RFTN1: variants seen among roughly 807,000 people sequenced by gnomAD.
RFTN1 encodes the protein raftlin.
A neutral mutation model predicts 46.5 loss-of-function variants in RFTN1; 26 were observed. The observed-to-expected ratio is 0.56, with a 90% confidence interval of 0.41 to 0.78. The LOEUF (loss-of-function observed/expected upper bound fraction) is 0.78. Ranked by LOEUF, RFTN1 falls within the 30% of genes least tolerant of loss-of-function variation. The pLI is 0.00. For missense variants in RFTN1, 693 were observed against 718.7 expected (o/e 0.96, Z 0.41); for synonymous variants, 261 against 284.2 (o/e 0.92, Z 0.82).
chr3:16,364,794 C>T (rs1264728025), intron 6 of RFTN1, among the ~76,000 whole-genome samples: 4 of 152,194 alleles, frequency 2.6e-5, no homozygotes, highest in Non-Finnish European at 5.9e-5. Flanking sequence ...ATGAATCCCA[C>T]AATGACAAGT....
intron 2 of RFTN1, among the ~76,000 whole-genome samples, chr3:16,456,900 C>G (rs1480557569): frequency 1.3e-5 from 2 of 152,322 alleles, no homozygotes; most frequent in Non-Finnish European, 2.9e-5. Context: ...AGAGTCATGT[C>G]TGGTTGACAT....
In RFTN1 at chr3:16,501,305, C is replaced by T. The variant is rs573596400; in HGVS notation, c.-8-7428G>A. On this transcript the variant is annotated intron_variant, in intron 1 of 9. Transcript: ENST00000334133. The stretch of plus-strand genomic sequence containing the variant: ...TAATTTGTTTCTGAAATGCTTCCCA[C>T]GATGCCCATAAAAAGACTGGAAAAC... Among the ~76,000 whole-genome samples, 6 of 152,278 alleles carry T rather than the reference C, an allele frequency of 3.9e-5. No individual in the cohort carries two copies. The East Asian group carries it at 7.7e-4, about 20-fold the overall frequency.
Position 16,450,863 on chromosome 3 carries a change from G to C in RFTN1, c.146-16826C>G, listed in dbSNP as rs1182767303. 6.6e-6 allele frequency among the ~76,000 whole-genome samples: 1 copy of C among 152,016 alleles called. No homozygotes were observed. The highest frequency in any genetic ancestry group is 1.5e-5 in the Non-Finnish European group (1 of 67,998). ...GAGGGATGGCAAAGACAGCTCCTAG[G>C]TCTCTGGTTTGCATGGACCTGAACA... On this transcript the variant is annotated intron_variant, in intron 2 of 9. Transcript: ENST00000334133. This position sits in a 1 kb window ranked among gnomAD's most constrained non-coding sequence, Gnocchi z 4.6.
chr3:16,349,132 A>G lies in RFTN1; in HGVS notation c.1146+8800T>C, dbSNP rs372734732. ...AAGGGAAATGACTTACCTGGGCAAC[A>G]CAAACTGTATAAACTAAGCTTTTCT... On this transcript the variant is annotated intron_variant, in intron 7 of 9. Transcript: ENST00000334133. 3.9e-5 allele frequency: 6 copies of G among 152,376 alleles called. No individual in the cohort carries two copies. In the South Asian group the frequency reaches 6.2e-4, roughly 16 times the overall value. 9.4% of individuals were successfully genotyped at this position (152,376 alleles called of 1,614,324 possible).
chr3:16,411,928 T>C (rs1355524147), intron 3 of RFTN1, among the ~76,000 whole-genome samples: 1 of 152,232 alleles, frequency 6.6e-6, no homozygotes. Context: ...GGAAGACAAG[T>C]TGGTCTGTAA....
rs902092579 is a variant in RFTN1, at chr3:16,468,611, C to A, written c.145+25114G>T. ...GGGGAGAGGCTGACGCATTTCCTCA[C>A]GTACAACCCAGCGTTTGAGTAAAAA... On this transcript the variant is annotated intron_variant, in intron 2 of 9. Coordinates refer to ENST00000334133, the MANE Select transcript of RFTN1 (RefSeq NM_015150.2). The surrounding 1 kb of genome is among the most constrained non-coding windows in gnomAD (Gnocchi z 4.4). Among the ~76,000 whole-genome samples the A allele has an allele frequency of 1.4e-5, 2 of 147,046 alleles. No homozygotes were observed. The highest frequency in any genetic ancestry group is 4.3e-4 in the South Asian group (2 of 4,704).
Position 16,424,026 on chromosome 3 carries a change from G to A in RFTN1, c.332+9825C>T, listed in dbSNP as rs1276767296. ...AGCCTGCTGAATGGGGCCATTTGGGGAGCTCTAAGTGGTTTGCAGTTGTAG... is the reference window on the plus strand; with the variant it reads ...AGCCTGCTGAATGGGGCCATTTGGGAAGCTCTAAGTGGTTTGCAGTTGTAG... On this transcript the variant is annotated intron_variant, in intron 3 of 9. Transcript: ENST00000334133. This position sits in a 1 kb window ranked among gnomAD's most constrained non-coding sequence, Gnocchi z 4.7. Among the ~76,000 whole-genome samples, 2 of 152,188 alleles carry A rather than the reference G, an allele frequency of 1.3e-5. No homozygotes were observed. Among genetic ancestry groups the A allele is most frequent in the African/African-American group, 4.8e-5 (2 of 41,444 alleles).
rs1011733214 is a variant in RFTN1, at chr3:16,425,987, C to T, written c.332+7864G>A. The stretch of plus-strand genomic sequence containing the variant: ...CAACGGGTGTTCGCCCCACCTAAAT[C>T]GGAATCCAAAATAACGACCCACATG... On this transcript the variant is annotated intron_variant, in intron 3 of 9. Coordinates refer to ENST00000334133, the MANE Select transcript of RFTN1 (RefSeq NM_015150.2). The surrounding 1 kb of genome is among the most constrained non-coding windows in gnomAD (Gnocchi z 4.3). Among the ~76,000 whole-genome samples, 16 of 152,134 alleles carry T rather than the reference C, an allele frequency of 1.1e-4. No individual in the cohort carries two copies. Among genetic ancestry groups the T allele is most frequent in the Non-Finnish European group, 2.1e-4 (14 of 68,022 alleles).
Position 16,316,982 on chromosome 3 carries a change from C to G in RFTN1, c.1583G>C (p.Gly528Ala). Residue 528 changes from glycine (G) to alanine (A), a missense_variant, in exon 10 of 10, where the codon GGG becomes GCG. By Grantham distance (60) the Gly-to-Ala change is moderately conservative. Transcript: ENST00000334133. The surrounding 1 kb of genome is among the most constrained non-coding windows in gnomAD (Gnocchi z 4.5). ...CACAGCCTCACCCTCCACACCCACC[C>G]CACACAGCAGGCCACCAGGGGACAG... ...EQLSPGGLLC[G>A]VGVEGEAVQN... The G allele has an allele frequency of 1.2e-6, 2 of 1,614,048 alleles. No homozygotes were observed. The highest frequency in any genetic ancestry group is 8.5e-7 in the Non-Finnish European group (1 of 1,180,016).
At chr3:16,511,565 A>G (rs2076902929) in intron 1 of RFTN1, among the ~76,000 whole-genome samples, 1 of 152,174 alleles carries the variant, frequency 6.6e-6, no homozygotes. Context: ...ATAGAGTCAC[A>G]GTGTCCTCTC....
Position 16,346,180 on chromosome 3 carries a change from A to G in RFTN1, c.1146+11752T>C, listed in dbSNP as rs1575078883. ...TGGAAAGGCCAGGGGGTGCACATTC[A>G]TTTTTAATGACTACACACCTTCCCT... On this transcript the variant is annotated intron_variant, in intron 7 of 9. Transcript: ENST00000334133. The surrounding 1 kb of genome is among the most constrained non-coding windows in gnomAD (Gnocchi z 4.4). The G allele has an allele frequency of 3.3e-5, 5 of 152,294 alleles. No homozygotes were observed. The highest frequency in any genetic ancestry group is 9.6e-5 in the African/African-American group (4 of 41,566). 9.4% of individuals were successfully genotyped at this position (152,294 alleles called of 1,614,324 possible). A position where few individuals can be genotyped will look rare whatever the true frequency, so the allele number is the denominator to read the frequency against.
intron 2 of RFTN1, among the ~76,000 whole-genome samples, chr3:16,437,761 T>C (rs1334262576): frequency 1.3e-5 from 2 of 152,148 alleles, no homozygotes; most frequent in South Asian, 4.1e-4. Flanking sequence ...TCTTTATTTA[T>C]TATAAATGTT....
chr3:16,362,939 C>T lies in RFTN1; in HGVS notation c.1031-4892G>A, dbSNP rs199627541. ...GGCCTGGGAAGGGGGCTGTGTAGTC[C>T]GCAGGGAAAGCTACGGCTAGCTTGA... On this transcript the variant is annotated intron_variant, in intron 6 of 9. Transcript: ENST00000334133. 1.0e-3 allele frequency among the ~76,000 whole-genome samples: 159 copies of T among 152,236 alleles called. 2 individuals are homozygous for T. The highest frequency in any genetic ancestry group is 9.7e-3 in the Admixed American group (149 of 15,290).
Position 16,370,384 on chromosome 3 carries a change from T to G in RFTN1, c.827-105A>C, listed in dbSNP as rs1403756957. On this transcript the variant is annotated intron_variant, in intron 5 of 9. Transcript: ENST00000334133. The surrounding 1 kb of genome is among the most constrained non-coding windows in gnomAD (Gnocchi z 5.5). The stretch of plus-strand genomic sequence containing the variant: ...CTCTCAGGAGCCTGAATAAATGATA[T>G]GATGAATGCTGAAATCTCTGTGAGG... 1 of 990,878 alleles carries G rather than the reference T, an allele frequency of 1.0e-6. No homozygotes were observed. The highest frequency in any genetic ancestry group is 1.6e-6 in the Non-Finnish European group (1 of 629,806). 61.4% of individuals were successfully genotyped at this position (990,878 alleles called of 1,614,324 possible). A position where few individuals can be genotyped will look rare whatever the true frequency, so the allele number is the denominator to read the frequency against.
chr3:16,359,032 C>CAAAAAAAA (rs771185605), intron 6 of RFTN1, among the ~76,000 whole-genome samples: 1 of 89,518 alleles, frequency 1.1e-5, no homozygotes, highest in Non-Finnish European at 2.2e-5. Flanking sequence ...ATTCTGTCTC[C>CAAAAAAAA]AAAAAAAAAA....
chr3:16,444,801 T>C (rs1247397603), intron 2 of RFTN1, among the ~76,000 whole-genome samples: 1 of 152,248 alleles, frequency 6.6e-6, no homozygotes, highest in African/African-American at 2.4e-5. Flanking sequence ...TTTGCAAACA[T>C]TTATTCCTTG....
Position 16,384,858 on chromosome 3 carries a change from G to T in RFTN1, c.442-6756C>A, listed in dbSNP as rs1380678291. On this transcript the variant is annotated intron_variant, in intron 4 of 9. Coordinates refer to ENST00000334133, the MANE Select transcript of RFTN1 (RefSeq NM_015150.2). The surrounding 1 kb of genome is among the most constrained non-coding windows in gnomAD (Gnocchi z 4.7). ...GTGGCTAGTGATGACCCCATGGACA[G>T]TGCAGGTGTAGAACATATCCATCAT... Among the ~76,000 whole-genome samples, 1 of 152,196 alleles carries T rather than the reference G, an allele frequency of 6.6e-6. No homozygotes were observed. The highest frequency in any genetic ancestry group is 1.5e-5 in the Non-Finnish European group (1 of 68,030).
rs1007703813 is a variant in RFTN1 at position 16,428,699 on chromosome 3, C to A, written c.332+5152G>T. Among the ~76,000 whole-genome samples the A allele has an allele frequency of 4.5e-4, 69 of 152,182 alleles. No homozygotes were observed. The highest frequency in any genetic ancestry group is 1.6e-3 in the African/African-American group (67 of 41,448). ...AAAAACACACCAATGACGCCCCTAG[C>A]TCCATGTGTGTACAACGACAATTCA... On this transcript the variant is annotated intron_variant, in intron 3 of 9. Transcript: ENST00000334133. This position sits in a 1 kb window ranked among gnomAD's most constrained non-coding sequence, Gnocchi z 4.7.
Position 16,479,106 on chromosome 3 carries a change from A to G in RFTN1, c.145+14619T>C, listed in dbSNP as rs1455847931. Reference sequence around the variant, plus strand: ...CACTAATGAGCAGGAAAGTTGAGTTAAAGTTGCTTTTTCATTAGGTAACTT... The same window carrying G: ...CACTAATGAGCAGGAAAGTTGAGTTGAAGTTGCTTTTTCATTAGGTAACTT... On this transcript the variant is annotated intron_variant, in intron 2 of 9. Coordinates refer to ENST00000334133, the MANE Select transcript of RFTN1 (RefSeq NM_015150.2). The surrounding 1 kb of genome is among the most constrained non-coding windows in gnomAD (Gnocchi z 5.1). Among the ~76,000 whole-genome samples the G allele has an allele frequency of 6.6e-6, 1 of 152,154 alleles. No homozygotes were observed. Among genetic ancestry groups the G allele is most frequent in the Non-Finnish European group, 1.5e-5 (1 of 68,022 alleles).
Sources: allele counts gnomAD v4.1 joint callset (sites outside exome capture counted in the v4.1 genomes callset), GRCh38; gene constraint gnomAD v4.1.1; non-coding constraint Gnocchi (gnomAD v3.1); transcripts MANE v1.5; gene names NCBI Gene and HGNC (gene_info 2026-07-23, HGNC 2026-07-21).